GNL3L: variants seen among roughly 807,000 people sequenced by gnomAD.
The protein encoded by GNL3L is G protein nucleolar 3 like.
GNL3L carries 4 observed loss-of-function variants against 42.9 expected under a neutral mutation model. The observed-to-expected ratio is 0.09, with a 90% CI of 0.05 to 0.21. The LOEUF (loss-of-function observed/expected upper bound fraction) is 0.21. Ranked by LOEUF, GNL3L falls within the 10% of genes least tolerant of loss-of-function variation. The probability of loss-of-function intolerance (pLI) is 1.00; values close to 1 mark genes in which losing one functional copy is unlikely to be tolerated. For synonymous variants in GNL3L, 159 were observed against 176.3 expected (o/e 0.90, Z 0.78); for missense variants, 412 against 481.7 (o/e 0.86, Z 1.36).
At chrX:54,554,768 C>A in intron 14 of GNL3L, 76 bp downstream of exon 14, 2 of 952,629 alleles carry the variant, frequency 2.1e-6, no homozygotes, top group Non-Finnish European at 3.0e-6. Flanking sequence ...CTTTTACCTG[C>A]CTTTCATGTG....
chrX:54,556,414 C>G (rs946554724), intron 14 of GNL3L, among the ~76,000 whole-genome samples: 1 of 110,972 alleles, frequency 9.0e-6, no homozygotes, highest in African/African-American at 3.3e-5. Flanking sequence ...TCAATTACTT[C>G]CACCTGGTCT....
At position 54,544,285 on chromosome X, in the gene GNL3L, G is replaced by A. The variant is rs1371914152; in HGVS notation, c.589G>A (p.Val197Met). Residue 197 changes from valine to methionine, a missense_variant, in exon 8 of 16, where the codon GTG becomes ATG. By Grantham distance (21) the Val-to-Met change is conservative. Coordinates refer to ENST00000360845, the MANE Select transcript of GNL3L (RefSeq NM_001184819.2). ...LDYLRNELPT[V>M]AFKASTQHQV... ...TTACCTTCGGAATGAGTTGCCAACCGTGGCTTTCAAGGCCAGTACCCAGCA... is the reference window on the plus strand; with the variant it reads ...TTACCTTCGGAATGAGTTGCCAACCATGGCTTTCAAGGCCAGTACCCAGCA... The A allele has an allele frequency of 5.9e-6, 7 of 1,190,621 alleles. No homozygotes were observed. The highest frequency in any genetic ancestry group is 6.8e-6 in the Non-Finnish European group (6 of 877,073).
intron 7 of GNL3L, chrX:54,543,985 A>G (rs1924698369): frequency 9.5e-6 from 3 of 316,530 alleles, no homozygotes; most frequent in East Asian, 1.1e-4. Flanking sequence ...CCAGATAGCT[A>G]GTTTGTCCAT....
chrX:54,635,856 A>G, the GNL3L span, among the ~76,000 whole-genome samples: 1 of 110,755 alleles, frequency 9.0e-6, no homozygotes, highest in Non-Finnish European at 1.9e-5. Flanking sequence ...TAAGCATAGG[A>G]CTCAGCCAGT....
chrX:54,579,191 T>TA (rs1437854291), intron 16 of GNL3L, among the ~76,000 whole-genome samples: 1 of 111,886 alleles, frequency 8.9e-6, no homozygotes, highest in Non-Finnish European at 1.9e-5. Flanking sequence ...CTTAACCATG[T>TA]CTTTCACAGA....
intron 16 of GNL3L, among the ~76,000 whole-genome samples, chrX:54,572,972 A>G (rs1925577928): frequency 9.3e-6 from 1 of 107,219 alleles, no homozygotes; most frequent in Non-Finnish European, 1.9e-5. Context: ...GACGCTCCTC[A>G]CTTCCTAGAT....
chrX:54,559,471 C>A (rs773205218), intron 15 of GNL3L, among the ~76,000 whole-genome samples: 2 of 111,739 alleles, frequency 1.8e-5, no homozygotes, highest in African/African-American at 6.5e-5. Context: ...TCTATATATT[C>A]TTTGTTCTCT....
intron 16 of GNL3L, among the ~76,000 whole-genome samples, chrX:54,583,956 T>G (rs1353934200): frequency 2.7e-5 from 3 of 111,691 alleles, no homozygotes; most frequent in Non-Finnish European, 5.6e-5. Context: ...ATTCAACATC[T>G]TTTCATGATA....
intron 15 of GNL3L, 120 bp from the exon 16 acceptor site, chrX:54,560,400 G>T (rs1925224844): frequency 4.0e-6 from 2 of 495,153 alleles, no homozygotes; most frequent in African/African-American, 4.7e-5. Context: ...GGTAGCGTTT[G>T]GGGGTAAGTG....
At chrX:54,628,212 GGTGTGTGTGTGTGTGT>G in the GNL3L span, among the ~76,000 whole-genome samples, 31 of 95,789 alleles carry the variant, frequency 3.2e-4, no homozygotes, top group Middle Eastern at 5.3e-3. Context: ...AGTATTCCGT[GGTGTGTGTGTGTGTGT>G]GTGTGTGTGT....
intron 5 of GNL3L, among the ~76,000 whole-genome samples, chrX:54,542,415 A>G (rs1924650736): frequency 9.0e-6 from 1 of 110,766 alleles, no homozygotes; most frequent in Non-Finnish European, 1.9e-5. Flanking sequence ...TGTCCCTACA[A>G]AGGACATGAA....
At chrX:54,588,468 T>C (rs1925818698) in intron 16 of GNL3L, among the ~76,000 whole-genome samples, 1 of 112,569 alleles carries the variant, frequency 8.9e-6, no homozygotes, top group Non-Finnish European at 1.9e-5. Flanking sequence ...TCACTTGATA[T>C]GATTATATGG....
downstream of GNL3L, among the ~76,000 whole-genome samples, chrX:54,569,252 T>G (rs1925511623): frequency 8.9e-6 from 1 of 111,947 alleles, no homozygotes; most frequent in African/African-American, 3.2e-5. Flanking sequence ...GGTTGGGAAG[T>G]GTTTCCTGTT....
At chrX:54,554,776 G>A in intron 14 of GNL3L, 84 bp downstream of exon 14, 1 of 860,036 alleles carries the variant, frequency 1.2e-6, no homozygotes, top group South Asian at 2.2e-5. Context: ...TGCCTTTCAT[G>A]TGGTGAGATG....
chrX:54,605,203 T>A (rs1198909010), intron 16 of GNL3L, among the ~76,000 whole-genome samples: 1 of 111,965 alleles, frequency 8.9e-6, no homozygotes, highest in Non-Finnish European at 1.9e-5. Flanking sequence ...TCCATTTGCA[T>A]ACATAAATAA....
intron 8 of GNL3L, among the ~76,000 whole-genome samples, chrX:54,545,746 A>G (rs1924753930): frequency 8.9e-6 from 1 of 112,300 alleles, no homozygotes; most frequent in Non-Finnish European, 1.9e-5. Flanking sequence ...AACTACAGAT[A>G]AAGCTTAAAT....
intron 2 of GNL3L, among the ~76,000 whole-genome samples, chrX:54,535,751 G>C (rs1052264845): frequency 5.5e-4 from 61 of 110,712 alleles, no homozygotes; most frequent in African/African-American, 2.0e-3. Flanking sequence ...ATGCTTCTTC[G>C]ATTTTAAGAA....
At chrX:54,544,401 A>G in intron 8 of GNL3L, 75 bp downstream of exon 8, 3 of 513,145 alleles carry the variant, frequency 5.8e-6, no homozygotes, top group Non-Finnish European at 1.0e-5. Flanking sequence ...CGTGACTTGG[A>G]CTGGGACCTC....
the GNL3L span, among the ~76,000 whole-genome samples, chrX:54,633,175 T>C: frequency 1.8e-5 from 2 of 111,689 alleles, no homozygotes; most frequent in Non-Finnish European, 1.9e-5. Flanking sequence ...GGTTGTAGTT[T>C]TGTTTAGTGT....
Sources: gnomAD v4.1 joint callset for allele counts (sites outside exome capture counted in the v4.1 genomes callset) on GRCh38, gnomAD v4.1.1 for gene constraint, MANE v1.5 for transcripts, NCBI Gene and HGNC (gene_info 2026-07-23, HGNC 2026-07-21) for gene names.